Variants in ABI2 observed in about 807,000 individuals in gnomAD.
ABI2 encodes the protein abelson interactor 2.
ABI2 carries 25 observed loss-of-function variants against 59.2 expected under a neutral mutation model. That is an observed-to-expected ratio of 0.42 (90% confidence interval 0.31 to 0.59). ABI2 has a LOEUF of 0.59. Among genes scored for constraint, ABI2 ranks in the 20% least tolerant of loss-of-function variants. ABI2 has a pLI of 0.14. For missense variants in ABI2, 545 were observed against 681.8 expected (o/e 0.80, Z 2.23); for synonymous variants, 213 against 235.5 (o/e 0.90, Z 0.87).
At chr2:203,344,713 CA>C (rs937099360) in intron 1 of ABI2, among the ~76,000 whole-genome samples, 1 of 152,018 alleles carries the variant, frequency 6.6e-6, no homozygotes, top group African/African-American at 2.4e-5. Flanking sequence ...GTAAACACAC[CA>C]AACAGTGCTC....
At chr2:203,352,498 T>TTGA (rs2089397149) in intron 1 of ABI2, among the ~76,000 whole-genome samples, 1 of 151,990 alleles carries the variant, frequency 6.6e-6, no homozygotes, top group Admixed American at 6.6e-5. Flanking sequence ...GACAGTGATA[T>TTGA]TGATGATCCT....
At chr2:203,362,965 G>T (rs2093731240) in intron 1 of ABI2, among the ~76,000 whole-genome samples, 1 of 151,990 alleles carries the variant, frequency 6.6e-6, no homozygotes, top group Admixed American at 6.6e-5. Context: ...TGAGGAGCTG[G>T]GACTACAGGC....
chr2:203,394,691 T>C lies in ABI2; in HGVS notation c.579-9T>C. 2 of 1,613,222 alleles carry C rather than the reference T, an allele frequency of 1.2e-6. No individual in the cohort carries two copies. Among genetic ancestry groups the C allele is most frequent in the Non-Finnish European group, 1.7e-6 (2 of 1,179,700 alleles). On this transcript the variant is annotated splice_polypyrimidine_tract_variant and intron_variant, in intron 5 of 11. Transcript: ENST00000261018. ...TAATCATACAATACATACGCTCTTCTTTTTGTAGGCGGCACTCCCCCTATC... is the reference window on the plus strand; with the variant it reads ...TAATCATACAATACATACGCTCTTCCTTTTGTAGGCGGCACTCCCCCTATC...
intron 1 of ABI2, among the ~76,000 whole-genome samples, chr2:203,337,811 A>G (rs1402619918): frequency 6.6e-6 from 1 of 152,174 alleles, no homozygotes; most frequent in South Asian, 2.1e-4. Context: ...TAGCCAGATC[A>G]CCTGAGGTCA....
intron 8 of ABI2, among the ~76,000 whole-genome samples, chr2:203,398,033 C>T (rs553513945): frequency 1.3e-5 from 2 of 152,348 alleles, no homozygotes; most frequent in Non-Finnish European, 2.9e-5. Flanking sequence ...TATCAATCAC[C>T]GTAGTGTTCC....
At chr2:203,394,671 A>T in intron 5 of ABI2, 29 bp from the exon 6 acceptor site, 1 of 1,601,706 alleles carries the variant, frequency 6.2e-7, no homozygotes. Context: ...TTGCTTAATC[A>T]TACAATACAT....
At chr2:203,353,518 C>T (rs1019147069) in intron 1 of ABI2, among the ~76,000 whole-genome samples, 4 of 152,292 alleles carry the variant, frequency 2.6e-5, no homozygotes, top group East Asian at 1.9e-4. Context: ...CTCGCTCTGT[C>T]GCCCAGACTG....
chr2:203,408,988 G>A (rs1048523346), intron 9 of ABI2, among the ~76,000 whole-genome samples: 8 of 149,706 alleles, frequency 5.3e-5, no homozygotes, highest in South Asian at 2.2e-4. Context: ...ACAGGCGCCC[G>A]CCACCGCGCC....
At chr2:203,392,863 A>G (rs776008104) in intron 5 of ABI2, among the ~76,000 whole-genome samples, 8 of 152,174 alleles carry the variant, frequency 5.3e-5, no homozygotes, top group Non-Finnish European at 1.2e-4. Flanking sequence ...GTTCTGCAAG[A>G]TCCTTGGGGA....
chr2:203,390,955 C>G (rs2096721706), intron 4 of ABI2, 91 bp from the exon 5 acceptor site: 1 of 950,672 alleles, frequency 1.1e-6, no homozygotes, highest in Admixed American at 2.1e-5. Context: ...TAAACCTTCC[C>G]CTCCTTTGTT....
In ABI2 at chr2:203,431,906, A is replaced by G. The variant is rs1002068947; in HGVS notation, c.*4554A>G. ...GTGTCCATGCACCATTTTTCTTAAA[A>G]TGGCTTACAAAAAAGAATGTAAACA... On this transcript the variant is annotated 3_prime_UTR_variant, in exon 12 of 12. Transcript: ENST00000261018. The G allele has an allele frequency of 6.6e-6, 1 of 152,160 alleles. No individual in the cohort carries two copies. Among genetic ancestry groups the G allele is most frequent in the African/African-American group, 2.4e-5 (1 of 41,452 alleles). 9.4% of individuals were successfully genotyped at this position (152,160 alleles called of 1,614,324 possible).
chr2:203,400,977 C>T (rs527679225), intron 8 of ABI2, among the ~76,000 whole-genome samples: 2 of 152,268 alleles, frequency 1.3e-5, no homozygotes, highest in African/African-American at 2.4e-5. Flanking sequence ...TTCCATATTA[C>T]ATAAGTCTTA....
At position 203,394,803 on chromosome 2, in the gene ABI2, C is replaced by T; in HGVS notation, c.682C>T (p.Pro228Ser). ...TAATATGGCTCCCTCGCAGCAGAGC[C>T]CTGTGAGGACAGCTTCTGTGAATCA... ...TRNMAPSQQSPVRTASVNQRN... is the reference protein window; with the variant it reads ...TRNMAPSQQSSVRTASVNQRN... Residue 228 changes from proline (P) to serine (S), a missense_variant, in exon 6 of 12, where the codon CCT becomes TCT. This residue lies in a region of ABI2 where 410 missense variants were observed against 435.6 expected (regional missense o/e 0.94). Coordinates refer to ENST00000261018, the MANE Select transcript of ABI2 (RefSeq NM_001375670.1). The T allele has an allele frequency of 3.1e-6, 5 of 1,614,114 alleles. No homozygotes were observed. The highest frequency in any genetic ancestry group is 4.2e-6 in the Non-Finnish European group (5 of 1,180,022).
intron 1 of ABI2, among the ~76,000 whole-genome samples, chr2:203,337,232 T>C (rs1559149203): frequency 6.6e-6 from 1 of 152,186 alleles, no homozygotes; most frequent in African/African-American, 2.4e-5. Context: ...ACATGATTCC[T>C]TATGTATACA....
Position 203,430,278 on chromosome 2 carries a change from T to A in ABI2, c.*2926T>A, listed in dbSNP as rs2153626361. 6.6e-6 allele frequency: 1 copy of A among 152,322 alleles called. No homozygotes were observed. Among genetic ancestry groups the A allele is most frequent in the Admixed American group, 6.5e-5 (1 of 15,290 alleles). 9.4% of individuals were successfully genotyped at this position (152,322 alleles called of 1,614,324 possible). A position where few individuals can be genotyped will look rare whatever the true frequency, so the allele number is the denominator to read the frequency against. On this transcript the variant is annotated 3_prime_UTR_variant, in exon 12 of 12. Coordinates refer to ENST00000261018, the MANE Select transcript of ABI2 (RefSeq NM_001375670.1). ...GCAGAAAATCTTACATGCTGTGTAC[T>A]ATTAATATTATAACAGACGATCCAA...
intron 1 of ABI2, among the ~76,000 whole-genome samples, chr2:203,358,966 C>G (rs1002322417): frequency 6.6e-6 from 1 of 152,114 alleles, no homozygotes; most frequent in African/African-American, 2.4e-5. Context: ...GAGCCAATAT[C>G]GTGCCACTGC....
At chr2:203,333,981 C>T (rs1345923139) in intron 1 of ABI2, among the ~76,000 whole-genome samples, 1 of 149,030 alleles carries the variant, frequency 6.7e-6, no homozygotes, top group Non-Finnish European at 1.5e-5. Context: ...CACTCCTTTG[C>T]CCAGGTTAGA....
At chr2:203,427,138 A>G (rs2098445722) in intron 11 of ABI2, 39 bp from the exon 12 acceptor site, 2 of 1,574,910 alleles carry the variant, frequency 1.3e-6, no homozygotes, top group South Asian at 1.1e-5. Context: ...TAGGAATATT[A>G]CTGTCTTTCA....
chr2:203,406,065 G>C lies in ABI2; in HGVS notation c.1192+3331G>C, dbSNP rs574753807. On this transcript the variant is annotated intron_variant, in intron 9 of 11. Transcript: ENST00000261018. ...TCTCATTATTTCTTAATCTAATCCA[G>C]CCAATGAAATAGGAATACCAATTTA... Among the ~76,000 whole-genome samples the C allele has an allele frequency of 2.0e-5, 3 of 152,244 alleles. No homozygotes were observed. The South Asian group carries it at 6.2e-4, about 32-fold the overall frequency.
Sources: gnomAD v4.1 joint callset for allele counts (sites outside exome capture counted in the v4.1 genomes callset) on GRCh38, gnomAD v4.1.1 for gene constraint, gnomAD v4.1.1 regional missense constraint, MANE v1.5 for transcripts, NCBI Gene and HGNC (gene_info 2026-07-23, HGNC 2026-07-21) for gene names.